CCDC77: variants seen among roughly 807,000 people sequenced by gnomAD.
CCDC77 encodes the protein coiled-coil domain-containing protein 77.
In CCDC77, 56 loss-of-function variants were observed where a neutral mutation model predicts 66.8. The ratio of observed to expected loss-of-function variants is 0.84; its 90% CI spans 0.68 to 1.05. The LOEUF (loss-of-function observed/expected upper bound fraction) is 1.05, where lower values mean the gene tolerates loss of function less well. Ranked by LOEUF, CCDC77 falls within the 50% of genes least tolerant of loss-of-function variation. CCDC77 has a pLI of 0.00. For missense variants in CCDC77, 570 were observed against 576.8 expected (o/e 0.99, Z 0.12); for synonymous variants, 196 against 195.2 (o/e 1.00, Z -0.03).
At position 442,466 on chromosome 12, in the gene CCDC77, C is replaced by T. The variant is rs1004855964; in HGVS notation, c.*546C>T. On this transcript the variant is annotated 3_prime_UTR_variant, in exon 13 of 13. Coordinates refer to ENST00000239830, the MANE Select transcript of CCDC77 (RefSeq NM_032358.4). The stretch of plus-strand genomic sequence containing the variant: ...AATTTCATGGTGTTTCACCAGAGGG[C>T]GCTAGAGACTCAAACGAAATGTCCA... 1.3e-5 allele frequency: 2 copies of T among 152,152 alleles called. No homozygotes were observed. The highest frequency in any genetic ancestry group is 4.8e-5 in the African/African-American group (2 of 41,380). The allele number at this position is 152,152 out of a possible 1,614,324, so 9.4% of individuals were successfully genotyped here.
intron 8 of CCDC77, among the ~76,000 whole-genome samples, chr12:432,596 T>C (rs1467672690): frequency 6.6e-6 from 1 of 152,192 alleles, no homozygotes; most frequent in Non-Finnish European, 1.5e-5. Flanking sequence ...AAGGGTGTCT[T>C]AAAGGGAGAC....
chr12:429,052 A>G (rs1358477833), intron 6 of CCDC77, among the ~76,000 whole-genome samples, 187 bp downstream of exon 6: 1 of 152,166 alleles, frequency 6.6e-6, no homozygotes, highest in Non-Finnish European at 1.5e-5. Flanking sequence ...TATTTACCCC[A>G]TTTCAATGTT....
intron 10 of CCDC77, among the ~76,000 whole-genome samples, chr12:440,416 T>C (rs1945836806): frequency 6.6e-6 from 1 of 152,244 alleles, no homozygotes; most frequent in South Asian, 2.1e-4. Flanking sequence ...TTTTACTGTG[T>C]ACACTTTAGA....
intron 3 of CCDC77, 59 bp from the exon 4 acceptor site, chr12:411,688 G>C (rs1469893862): frequency 7.2e-7 from 1 of 1,380,296 alleles, no homozygotes; most frequent in Non-Finnish European, 1.0e-6. Flanking sequence ...TATTTAGGAA[G>C]TTATAACTCA....
At chr12:406,642 T>A (rs1944996099) in intron 2 of CCDC77, among the ~76,000 whole-genome samples, 2 of 152,128 alleles carry the variant, frequency 1.3e-5, no homozygotes, top group African/African-American at 2.4e-5. Flanking sequence ...TTATAAGGGA[T>A]GAGGTTGAAA....
In CCDC77 at chr12:392,891, A is replaced by T. The variant is rs1027968616; in HGVS notation, c.-113+3405A>T. Among the ~76,000 whole-genome samples, 14 of 152,162 alleles carry T rather than the reference A, an allele frequency of 9.2e-5. 2 individuals are homozygous for T. In the East Asian group the frequency reaches 1.5e-3, roughly 17 times the overall value. On this transcript the variant is annotated intron_variant, in intron 1 of 11. Transcript: ENST00000422000. ...AAACTTTTATATTTAAATACATTTT[A>T]AAAATAATAACTATATTTTCCAAAA...
At chr12:400,128 A>G (rs545638755), upstream of CCDC77, among the ~76,000 whole-genome samples, 21 of 152,290 alleles carry the variant, frequency 1.4e-4, no homozygotes, top group African/African-American at 4.8e-4. Context: ...CTTAAACCTC[A>G]CGAACCAGCC....
At position 440,891 on chromosome 12, in the gene CCDC77, C is replaced by A; in HGVS notation, c.1215C>A (p.Arg405=). Reference sequence around the variant, plus strand: ...AGCGTTTACAGATAATGACAAAACGCTATGAGGCATTGGAGCGTCGACGTA... The same window carrying A: ...AGCGTTTACAGATAATGACAAAACGATATGAGGCATTGGAGCGTCGACGTA... The part of the protein sequence containing the change: ...MGKRLQIMTK[R]YEALERRRIL... The change falls in exon 12 of 13, where the codon CGC becomes CGA. Residue 405 remains arginine, a synonymous_variant. Transcript: ENST00000239830. 5.0e-6 allele frequency: 8 copies of A among 1,613,848 alleles called. No individual in the cohort carries two copies. Among genetic ancestry groups the A allele is most frequent in the African/African-American group, 1.3e-5 (1 of 75,036 alleles).
At position 439,285 on chromosome 12, in the gene CCDC77, C is replaced by A. The variant is rs1008479919; in HGVS notation, c.1041+731C>A. 4.0e-5 allele frequency among the ~76,000 whole-genome samples: 6 copies of A among 151,712 alleles called. No individual in the cohort carries two copies. In the East Asian group the frequency reaches 9.7e-4, roughly 25 times the overall value. ...CTGTAATCCCAGCACTTTGGGAGGCCAAGGCGGGTGGATCACCTGAGGTCA... is the reference window on the plus strand; with the variant it reads ...CTGTAATCCCAGCACTTTGGGAGGCAAAGGCGGGTGGATCACCTGAGGTCA... On this transcript the variant is annotated intron_variant, in intron 10 of 12. Transcript: ENST00000239830.
chr12:399,176 T>TA (rs1491528252), upstream of CCDC77, among the ~76,000 whole-genome samples: 2 of 115,068 alleles, frequency 1.7e-5, no homozygotes, highest in African/African-American at 1.1e-4. Flanking sequence ...TTATGAAATA[T>TA]TTTTTTTTTT....
At chr12:440,583 G>A (rs1186080350) in intron 10 of CCDC77, 34 bp from the exon 11 acceptor site, 2 of 1,610,404 alleles carry the variant, frequency 1.2e-6, no homozygotes, top group Non-Finnish European at 1.7e-6. Context: ...TTGTAGAACT[G>A]AGTGTTAATG....
rs755887386 is a variant in CCDC77, at chr12:438,468, G to T, written c.955G>T (p.Val319Leu). 1 of 1,613,976 alleles carries T rather than the reference G, an allele frequency of 6.2e-7. No individual in the cohort carries two copies. The highest frequency in any genetic ancestry group is 1.3e-5 in the African/African-American group (1 of 75,028). ...NLMSKIKQYR[V>L]QCKKKEDKIG... ...GATGTCAAAGATTAAGCAATATAGG[G>T]TGCAGTGTAAGAAGAAAGAAGATAA... Residue 319 changes from valine to leucine, a missense_variant, in exon 10 of 13, where the codon GTG (valine) becomes TTG (leucine). Val to Leu is a conservative substitution (Grantham distance 32, BLOSUM62 1). Transcript: ENST00000239830.
At chr12:433,414 T>C in intron 9 of CCDC77, 92 bp downstream of exon 9, 1 of 1,536,016 alleles carries the variant, frequency 6.5e-7, no homozygotes, top group African/African-American at 1.4e-5. Context: ...CAGCGGGTCA[T>C]AGAACTAAAG....
intron 5 of CCDC77, among the ~76,000 whole-genome samples, chr12:419,524 TGA>T (rs1385476043): frequency 1.1e-4 from 4 of 34,798 alleles, no homozygotes; most frequent in Admixed American, 8.4e-4. Context: ...GTGCTGGGAG[TGA>T]GAGGGTAAAC....
intron 7 of CCDC77, among the ~76,000 whole-genome samples, chr12:431,370 C>T (rs932463507): frequency 6.6e-6 from 1 of 151,958 alleles, no homozygotes; most frequent in African/African-American, 2.4e-5. Context: ...AGGCATATGC[C>T]ACCACACCTG....
chr12:409,276 T>A, intron 2 of CCDC77, 92 bp from the exon 3 acceptor site: 1 of 824,540 alleles, frequency 1.2e-6, no homozygotes, highest in Non-Finnish European at 2.0e-6. Flanking sequence ...GAAGCAAATA[T>A]GATGATGTTG....
At position 431,922 on chromosome 12, in the gene CCDC77, T is replaced by C. The variant is rs1945659984; in HGVS notation, c.640T>C (p.Tyr214His). 4 of 1,612,240 alleles carry C rather than the reference T, an allele frequency of 2.5e-6. No individual in the cohort carries two copies. Among genetic ancestry groups the C allele is most frequent in the South Asian group, 2.2e-5 (2 of 90,970 alleles). The change falls in exon 8 of 13, where the codon TAC becomes CAC. Residue 214 changes from tyrosine (Y) to histidine (H), a missense_variant. Transcript: ENST00000239830. The part of the protein sequence containing the change: ...SRERKESSEH[Y>H]QRDIQTLILQ... ...AGAGAGAAAAGAAAGTTCTGAGCAT[T>C]ACCAAAGAGACATACAGACACTCAT...
chr12:407,782 A>ATTTTTTTTTTTTT (rs386375348), intron 2 of CCDC77, among the ~76,000 whole-genome samples: 1 of 100,436 alleles, frequency 1.0e-5, no homozygotes, highest in Non-Finnish European at 1.8e-5. Flanking sequence ...AGGACTGAAG[A>ATTTTTTTTTTTTT]TTTTTTTTTT....
At chr12:404,854 G>A (rs961135622) in intron 1 of CCDC77, among the ~76,000 whole-genome samples, 3 of 151,780 alleles carry the variant, frequency 2.0e-5, no homozygotes, top group African/African-American at 7.3e-5. Flanking sequence ...TCCTGAGTAG[G>A]TGGGATTATA....
Sources: allele counts gnomAD v4.1 joint callset (sites outside exome capture counted in the v4.1 genomes callset), GRCh38; gene constraint gnomAD v4.1.1; transcripts MANE v1.5; gene names NCBI Gene and HGNC (gene_info 2026-07-23, HGNC 2026-07-21).